Variants in L3MBTL3 observed in about 807,000 individuals in gnomAD.
L3MBTL3 encodes the protein lethal(3)malignant brain tumor-like protein 3.
In L3MBTL3, 27 loss-of-function variants were observed where a neutral mutation model predicts 102.3. The observed-to-expected ratio is 0.26, with a 90% CI of 0.19 to 0.36. L3MBTL3 has a LOEUF of 0.36. Among genes scored for constraint, L3MBTL3 ranks in the 10% least tolerant of loss-of-function variants. L3MBTL3 has a pLI of 1.00. For missense variants in L3MBTL3, 798 were observed against 955.3 expected (o/e 0.84, Z 2.17); for synonymous variants, 340 against 320.9 (o/e 1.06, Z -0.64).
intron 1 of L3MBTL3, among the ~76,000 whole-genome samples, chr6:130,019,933 C>T (rs1434069650): frequency 2.3e-4 from 31 of 137,434 alleles, no homozygotes; most frequent in African/African-American, 5.8e-4. Context: ...CGTGCCGCGC[C>T]GCGCCGGCCC....
intron 12 of L3MBTL3, among the ~76,000 whole-genome samples, chr6:130,070,031 G>C (rs1311490122): frequency 6.6e-6 from 1 of 152,186 alleles, no homozygotes; most frequent in Non-Finnish European, 1.5e-5. Context: ...TAAAATGAGA[G>C]ATAGCATTTA....
chr6:130,050,095 G>A (rs1299375839), intron 5 of L3MBTL3, among the ~76,000 whole-genome samples: 3 of 152,074 alleles, frequency 2.0e-5, no homozygotes, highest in Admixed American at 2.0e-4. Flanking sequence ...CCTTAATGTA[G>A]GCTCTTCTCA....
chr6:130,039,015 A>G (rs1370504372), intron 2 of L3MBTL3, among the ~76,000 whole-genome samples: 4 of 152,076 alleles, frequency 2.6e-5, no homozygotes, highest in Non-Finnish European at 4.4e-5. Flanking sequence ...TTTTTTTCCT[A>G]TTAAGTATTT....
At chr6:130,112,123 T>C (rs1474011652) in intron 19 of L3MBTL3, among the ~76,000 whole-genome samples, 1 of 152,218 alleles carries the variant, frequency 6.6e-6, no homozygotes, top group Non-Finnish European at 1.5e-5. Context: ...ATCCAGATTT[T>C]GGACCAAGTC....
At chr6:130,053,402 G>T (rs1340350729) in intron 7 of L3MBTL3, among the ~76,000 whole-genome samples, 1 of 152,148 alleles carries the variant, frequency 6.6e-6, no homozygotes, top group Non-Finnish European at 1.5e-5. Context: ...TTGGGAGGCC[G>T]AGGCCGGCAG....
At chr6:130,106,654 A>G (rs1378194176) in intron 19 of L3MBTL3, among the ~76,000 whole-genome samples, 1 of 152,102 alleles carries the variant, frequency 6.6e-6, no homozygotes, top group African/African-American at 2.4e-5. Flanking sequence ...TTTGATTACC[A>G]TTGAGGTATG....
At chr6:130,105,394 A>T (rs991330591) in intron 19 of L3MBTL3, among the ~76,000 whole-genome samples, 9 of 152,154 alleles carry the variant, frequency 5.9e-5, no homozygotes, top group Non-Finnish European at 8.8e-5. Flanking sequence ...CTTTGGATGG[A>T]GTAGGGGACA....
intron 10 of L3MBTL3, among the ~76,000 whole-genome samples, chr6:130,061,082 C>CTTTT (rs146750598): frequency 2.6e-5 from 3 of 114,164 alleles, no homozygotes; most frequent in Admixed American, 1.0e-4. Flanking sequence ...TCTGTTAGCT[C>CTTTT]TTTTTTTTTT....
chr6:130,108,728 G>A (rs779661105), intron 19 of L3MBTL3, among the ~76,000 whole-genome samples: 2 of 151,798 alleles, frequency 1.3e-5, no homozygotes, highest in Non-Finnish European at 2.9e-5. Context: ...GGGTACATGT[G>A]CAGAATGTGC....
intron 13 of L3MBTL3, among the ~76,000 whole-genome samples, chr6:130,076,734 T>A (rs1241186066): frequency 2.0e-5 from 3 of 152,192 alleles, no homozygotes; most frequent in Non-Finnish European, 4.4e-5. Flanking sequence ...GACTAAGAGA[T>A]GACTTGTTTT....
chr6:130,042,275 T>C (rs1780468945), intron 2 of L3MBTL3, among the ~76,000 whole-genome samples: 1 of 152,204 alleles, frequency 6.6e-6, no homozygotes. Flanking sequence ...TTTCCTAGAA[T>C]AACAAATTGG....
intron 11 of L3MBTL3, 97 bp downstream of exon 11, chr6:130,066,585 T>A: frequency 9.4e-7 from 1 of 1,065,180 alleles, no homozygotes; most frequent in Non-Finnish European, 1.4e-6. Flanking sequence ...TTATGAAAAT[T>A]CAGATAGGCA....
rs1319514806 is a variant in L3MBTL3, at chr6:130,051,253, T to C, written c.294T>C (p.Phe98=). The C allele has an allele frequency of 6.2e-7, 1 of 1,610,810 alleles. No homozygotes were observed. ...WTSPPGCPTV[F]SEKTGMPFRL... is the part of the protein sequence containing the mutation. ...TTTCTTCTTTTCATCTTCTAGTCTT[T>C]TCAGAGAAGACTGGGATGCCTTTCA... The change falls in exon 6 of 23, where the codon TTT becomes TTC. Residue 98 remains phenylalanine (F), a synonymous_variant. Transcript: ENST00000361794.
At chr6:130,136,084 C>T (rs1182148232) in intron 22 of L3MBTL3, among the ~76,000 whole-genome samples, 1 of 150,092 alleles carries the variant, frequency 6.7e-6, no homozygotes, top group South Asian at 2.1e-4. Context: ...ACCCTTATCA[C>T]CCTACTGCCA....
At position 130,107,000 on chromosome 6, in the gene L3MBTL3, C is replaced by T. The variant is rs1008384895; in HGVS notation, c.1886+2425C>T. ...CCCATTTGATTATTGTGAAAATGAT[C>T]AGAGGTGTCCATGTCTAACCCTTGA... On this transcript the variant is annotated intron_variant, in intron 19 of 22. Transcript: ENST00000361794. Among the ~76,000 whole-genome samples the T allele has an allele frequency of 2.0e-5, 3 of 152,154 alleles. No homozygotes were observed. In the East Asian group the frequency reaches 5.8e-4, roughly 29 times the overall value.
At chr6:130,068,573 T>C in intron 12 of L3MBTL3, 152 bp downstream of exon 12, 1 of 529,384 alleles carries the variant, frequency 1.9e-6, no homozygotes, top group South Asian at 3.2e-5. Flanking sequence ...AAAATTAGCT[T>C]AAAATCTTCA....
chr6:130,088,645 G>A (rs1255320156), intron 16 of L3MBTL3, among the ~76,000 whole-genome samples: 1 of 152,166 alleles, frequency 6.6e-6, no homozygotes, highest in East Asian at 1.9e-4. Flanking sequence ...AGTAATAGAA[G>A]ATTATTCCTG....
At chr6:130,019,568 T>G (rs1410664191) in intron 1 of L3MBTL3, 2 of 149,596 alleles carry the variant, frequency 1.3e-5, no homozygotes, top group African/African-American at 2.5e-5. Context: ...CCCCGGCGTG[T>G]GCTGTGTGTG....
chr6:130,124,640 A>G (rs1367420980), intron 20 of L3MBTL3, among the ~76,000 whole-genome samples: 4 of 152,210 alleles, frequency 2.6e-5, no homozygotes, highest in South Asian at 2.1e-4. Flanking sequence ...GGTAATACCT[A>G]TTCTTCTTGG....
Sources: allele counts gnomAD v4.1 joint callset (sites outside exome capture counted in the v4.1 genomes callset), GRCh38; gene constraint gnomAD v4.1.1; transcripts MANE v1.5; gene names NCBI Gene and HGNC (gene_info 2026-07-23, HGNC 2026-07-21).